The following NCAM2 variants were observed in gnomAD, a reference collection of about 807,000 sequenced individuals.
NCAM2 encodes the protein neural cell adhesion molecule 2.
In NCAM2, 30 loss-of-function variants were observed where a neutral mutation model predicts 98.1. The observed-to-expected ratio is 0.31, with a 90% CI of 0.23 to 0.41. The LOEUF (loss-of-function observed/expected upper bound fraction) is 0.41. Ranked by LOEUF, NCAM2 falls within the 10% of genes least tolerant of loss-of-function variation. NCAM2 has a pLI of 1.00. For synonymous variants in NCAM2, 368 were observed against 342.4 expected, an observed-to-expected ratio of 1.07 and a Z score of -0.83; for missense variants, 867 against 1,005.8, an observed-to-expected ratio of 0.86 and a Z score of 1.87.
intron 11 of NCAM2, among the ~76,000 whole-genome samples, chr21:21,425,452 T>G (rs762800592): frequency 9.9e-5 from 15 of 152,200 alleles, no homozygotes; most frequent in Non-Finnish European, 2.2e-4. Flanking sequence ...AAATGCCCAG[T>G]ACTAAAGATA....
intron 14 of NCAM2, among the ~76,000 whole-genome samples, chr21:21,475,811 C>T (rs146642532): frequency 6.6e-6 from 1 of 152,154 alleles, no homozygotes; most frequent in East Asian, 1.9e-4. Context: ...CACGAAATAG[C>T]AAAACAGGCC....
chr21:21,523,410 A>G (rs528167415), intron 16 of NCAM2, among the ~76,000 whole-genome samples: 4 of 151,084 alleles, frequency 2.6e-5, no homozygotes, highest in African/African-American at 7.3e-5. Flanking sequence ...CTGCATATGG[A>G]TATCTATCTA....
At chr21:21,485,346 A>G (rs974821940) in intron 15 of NCAM2, among the ~76,000 whole-genome samples, 4 of 152,164 alleles carry the variant, frequency 2.6e-5, no homozygotes, top group Non-Finnish European at 5.9e-5. Flanking sequence ...CTCAAGTCCT[A>G]TTGTTCTAAC....
Position 21,080,174 on chromosome 21 carries a change from G to T in NCAM2, c.55+81556G>T, listed in dbSNP as rs144590005. Among the ~76,000 whole-genome samples, 448 of 152,218 alleles carry T rather than the reference G, an allele frequency of 2.9e-3. 2 individuals are homozygous for T. The highest frequency in any genetic ancestry group is 0.01 in the African/African-American group (436 of 41,540). ...CGTAATAGTAATGATGGTTTTATGGGTGTATGTATTTGCTCAGTCCCATCA... is the reference window on the plus strand; with the variant it reads ...CGTAATAGTAATGATGGTTTTATGGTTGTATGTATTTGCTCAGTCCCATCA... On this transcript the variant is annotated intron_variant, in intron 1 of 17. Transcript: ENST00000400546.
chr21:21,400,160 A>G (rs556038007), intron 9 of NCAM2, among the ~76,000 whole-genome samples: 3 of 152,298 alleles, frequency 2.0e-5, no homozygotes, highest in Non-Finnish European at 4.4e-5. Context: ...GTCCTGAATG[A>G]AACATTGAGG....
chr21:21,316,448 G>A (rs1392306771), intron 5 of NCAM2, among the ~76,000 whole-genome samples: 1 of 150,792 alleles, frequency 6.6e-6, no homozygotes, highest in Non-Finnish European at 1.5e-5. Context: ...GTATTATTAA[G>A]ATGTTACAGT....
At chr21:21,179,862 A>T in intron 1 of NCAM2, among the ~76,000 whole-genome samples, 1 of 152,224 alleles carries the variant, frequency 6.6e-6, no homozygotes, top group Non-Finnish European at 1.5e-5. Flanking sequence ...TCAGTTTTCT[A>T]TTGATGTGTA....
rs1321490718 is a variant in NCAM2, at chr21:21,338,426, A to G, written c.936A>G (p.Thr312=). 5.0e-6 allele frequency: 8 copies of G among 1,612,684 alleles called. No individual in the cohort carries two copies. The highest frequency in any genetic ancestry group is 1.1e-5 in the South Asian group (1 of 91,032). The part of the protein sequence containing the change: ...PHIIQLKNET[T]YENGQVTLVC... ...TAATACAGCTTAAAAATGAAACTACATATGAGAATGGTCAAGTCACACTCG... is the reference window on the plus strand; with the variant it reads ...TAATACAGCTTAAAAATGAAACTACGTATGAGAATGGTCAAGTCACACTCG... Residue 312 remains threonine (T), a synonymous_variant, in exon 8 of 18, where the codon ACA becomes ACG. Coordinates refer to ENST00000400546, the MANE Select transcript of NCAM2 (RefSeq NM_004540.5).
At chr21:21,131,515 C>T (rs34278164) in intron 1 of NCAM2, among the ~76,000 whole-genome samples, 9,369 of 152,192 alleles carry the variant, frequency 0.062, 463 homozygotes, top group East Asian at 0.29. Context: ...TCAGGTGATC[C>T]ACCCGCCTTG....
At position 21,295,441 on chromosome 21, in the gene NCAM2, C is replaced by T. The variant is rs548622389; in HGVS notation, c.619+3200C>T. ...CCCCTCCCTTGAAGAAGATTATACA[C>T]CAATGCCTTTGATATGTGAAGTATG... On this transcript the variant is annotated intron_variant, in intron 5 of 17. Transcript: ENST00000400546. 4.0e-4 allele frequency among the ~76,000 whole-genome samples: 61 copies of T among 151,906 alleles called. No homozygotes were observed. The South Asian group carries it at 0.012, about 30-fold the overall frequency.
At chr21:21,064,605 T>C (rs62207565) in intron 1 of NCAM2, among the ~76,000 whole-genome samples, 26,932 of 152,128 alleles carry the variant, frequency 0.18, 2,600 homozygotes, top group Non-Finnish European at 0.19. Flanking sequence ...CCCCTCAGGG[T>C]TCATCACTCT....
intron 12 of NCAM2, among the ~76,000 whole-genome samples, chr21:21,453,476 G>A (rs1205089999): frequency 2.0e-5 from 3 of 151,986 alleles, no homozygotes; most frequent in Non-Finnish European, 2.9e-5. Flanking sequence ...CTATGGAGAA[G>A]ACTTTGCATT....
chr21:21,208,878 C>T (rs1456529296), intron 1 of NCAM2, among the ~76,000 whole-genome samples: 1 of 151,942 alleles, frequency 6.6e-6, no homozygotes, highest in Non-Finnish European at 1.5e-5. Flanking sequence ...ATATTTTCTT[C>T]TTTTTCTTTG....
At chr21:21,170,229 A>G (rs1373351801) in intron 1 of NCAM2, among the ~76,000 whole-genome samples, 2 of 152,236 alleles carry the variant, frequency 1.3e-5, no homozygotes, top group Admixed American at 6.5e-5. Flanking sequence ...TTCTTAATAT[A>G]TGATCCAGCA....
intron 12 of NCAM2, among the ~76,000 whole-genome samples, chr21:21,460,714 G>A (rs1982846305): frequency 6.6e-6 from 1 of 151,792 alleles, no homozygotes; most frequent in Non-Finnish European, 1.5e-5. Context: ...AGTATTTATG[G>A]TATGTGATAT....
intron 1 of NCAM2, among the ~76,000 whole-genome samples, chr21:21,136,996 T>TA (rs1252106851): frequency 1.3e-5 from 2 of 152,032 alleles, no homozygotes; most frequent in African/African-American, 2.4e-5. Context: ...CTTTATGACT[T>TA]AGAGTTGCTT....
chr21:21,161,425 T>C (rs559484699), intron 1 of NCAM2, among the ~76,000 whole-genome samples: 2 of 151,242 alleles, frequency 1.3e-5, no homozygotes, highest in Admixed American at 6.6e-5. Context: ...AATTGTGTGG[T>C]AGGGTTGTTT....
intron 10 of NCAM2, among the ~76,000 whole-genome samples, chr21:21,411,665 A>C (rs1272990757): frequency 6.6e-6 from 1 of 152,142 alleles, no homozygotes; most frequent in Non-Finnish European, 1.5e-5. Context: ...ATTTGCTGAA[A>C]GGTTGCTACA....
At chr21:21,232,116 A>T (rs907007787) in intron 1 of NCAM2, among the ~76,000 whole-genome samples, 14 of 151,470 alleles carry the variant, frequency 9.2e-5, no homozygotes, top group Non-Finnish European at 8.9e-5. Context: ...CTCTGATGAT[A>T]CTTGACTCAT....
Sources: allele counts gnomAD v4.1 joint callset (sites outside exome capture counted in the v4.1 genomes callset), GRCh38; gene constraint gnomAD v4.1.1; transcripts MANE v1.5; gene names NCBI Gene and HGNC (gene_info 2026-07-23, HGNC 2026-07-21).